RPS6KA4: variants seen among roughly 807,000 people sequenced by gnomAD.
RPS6KA4 encodes the protein ribosomal protein S6 kinase alpha-4.
A neutral mutation model predicts 89.6 loss-of-function variants in RPS6KA4; 38 were observed. The ratio of observed to expected loss-of-function variants is 0.42; its 90% CI spans 0.33 to 0.56. RPS6KA4 has a LOEUF of 0.56. RPS6KA4 is among the 20% of genes least tolerant of loss of function. The pLI is 0.07. For missense variants in RPS6KA4, 873 were observed against 1,098.8 expected, an observed-to-expected ratio of 0.79 and a Z score of 2.90; for synonymous variants, 495 against 492.8, an observed-to-expected ratio of 1.00 and a Z score of -0.06.
At position 64,371,709 on chromosome 11, in the gene RPS6KA4, G is replaced by T; in HGVS notation, c.*229G>T. On this transcript the variant is annotated 3_prime_UTR_variant, in exon 17 of 17. Coordinates refer to ENST00000334205, the MANE Select transcript of RPS6KA4 (RefSeq NM_003942.3). ...GGGGCCTGCTGGGGAGTGGGGTTTGGGGGGCCCTCTCCCAGGACACTGCCT... is the reference window on the plus strand; with the variant it reads ...GGGGCCTGCTGGGGAGTGGGGTTTGTGGGGCCCTCTCCCAGGACACTGCCT... 1 of 464,636 alleles carries T rather than the reference G, an allele frequency of 2.2e-6. No homozygotes were observed. Among genetic ancestry groups the T allele is most frequent in the Non-Finnish European group, 3.8e-6 (1 of 261,696 alleles). 28.8% of individuals were successfully genotyped at this position (464,636 alleles called of 1,614,324 possible).
chr11:64,368,850 C>G, intron 12 of RPS6KA4, 53 bp downstream of exon 12: 9 of 888,310 alleles, frequency 1.0e-5, no homozygotes, highest in Non-Finnish European at 1.5e-5. Context: ...GGCGGCGGGG[C>G]TTGGGGGCAC....
In RPS6KA4 at chr11:64,370,361, A is replaced by C. The variant is rs758931204; in HGVS notation, c.1934A>C (p.Glu645Ala). ...LDGEAWQGVS[E>A]EAKELVRGLL... ...GGGGAGGCCTGGCAGGGTGTATCCGAGGAAGCCAAGGAGCTGGTCCGAGGT... is the reference window on the plus strand; with the variant it reads ...GGGGAGGCCTGGCAGGGTGTATCCGCGGAAGCCAAGGAGCTGGTCCGAGGT... The change falls in exon 15 of 17, where the codon GAG becomes GCG. Residue 645 changes from glutamate to alanine, a missense_variant. Transcript: ENST00000334205. The surrounding 1 kb of genome is among the most constrained non-coding windows in gnomAD (Gnocchi z 4.1). The C allele has an allele frequency of 1.2e-6, 2 of 1,608,430 alleles. No homozygotes were observed. The highest frequency in any genetic ancestry group is 2.2e-5 in the South Asian group (2 of 90,658).
chr11:64,366,471 C>G (rs1164189905), intron 9 of RPS6KA4, among the ~76,000 whole-genome samples: 4 of 152,172 alleles, frequency 2.6e-5, no homozygotes, highest in Non-Finnish European at 5.9e-5. Context: ...GCCAAGCCCC[C>G]TCTACTGAAT....
Position 64,365,476 on chromosome 11 carries a change from A to T in RPS6KA4, c.1071+11A>T, listed in dbSNP as rs757036915. On this transcript the variant is annotated intron_variant, in intron 9 of 16. Transcript: ENST00000334205. Reference sequence around the variant, plus strand: ...CCCCGAATCTTTCAGGTGAGGGGAAACTCATGGAACCCAGATGCAGGAGAG... The same window carrying T: ...CCCCGAATCTTTCAGGTGAGGGGAATCTCATGGAACCCAGATGCAGGAGAG... 2 of 1,613,376 alleles carry T rather than the reference A, an allele frequency of 1.2e-6. No homozygotes were observed.
At chr11:64,368,337 C>T in intron 10 of RPS6KA4, 77 bp downstream of exon 10, 1 of 1,564,326 alleles carries the variant, frequency 6.4e-7, no homozygotes, top group Non-Finnish European at 8.6e-7. Context: ...GGCCTAGATC[C>T]AACTGGCGCC....
In RPS6KA4 at chr11:64,370,304, G is replaced by A. The variant is rs1475895833; in HGVS notation, c.1877G>A (p.Cys626Tyr). The A allele has an allele frequency of 6.3e-7, 1 of 1,592,146 alleles. No homozygotes were observed. The highest frequency in any genetic ancestry group is 8.5e-7 in the Non-Finnish European group (1 of 1,174,212). ...CAGAGCCAGGCGGCCGAGATCATGT[G>A]CAAAATCCGCGAGGGGCGCTTCTCC... is the stretch of plus-strand genomic sequence containing the variant. ...GGQSQAAEIMCKIREGRFSLD... is the reference protein window; with the variant it reads ...GGQSQAAEIMYKIREGRFSLD... Residue 626 changes from cysteine to tyrosine, a missense_variant, in exon 15 of 17, where the codon TGC becomes TAC. By Grantham distance (194) the Cys-to-Tyr change is radical. Coordinates refer to ENST00000334205, the MANE Select transcript of RPS6KA4 (RefSeq NM_003942.3). This position sits in a 1 kb window ranked among gnomAD's most constrained non-coding sequence, Gnocchi z 4.1.
Position 64,361,082 on chromosome 11 carries a change from G to T in RPS6KA4, c.463-52G>T, listed in dbSNP as rs2036733011. The T allele has an allele frequency of 2.0e-6, 3 of 1,510,318 alleles. No individual in the cohort carries two copies. The highest frequency in any genetic ancestry group is 1.8e-6 in the Non-Finnish European group (2 of 1,094,162). The allele number at this position is 1,510,318 out of a possible 1,614,324, so 93.6% of individuals were successfully genotyped here. On this transcript the variant is annotated intron_variant, in intron 4 of 16. Transcript: ENST00000334205. This position sits in a 1 kb window ranked among gnomAD's most constrained non-coding sequence, Gnocchi z 4.7. ...CTGAGCAGGGCCAGGAGCTGGAGGA[G>T]CTGGGGAGGGTTTCGGGGAGGAAGC... is the stretch of plus-strand genomic sequence containing the variant.
At chr11:64,365,516 T>C (rs1370602426) in intron 9 of RPS6KA4, 51 bp downstream of exon 9, 4 of 1,602,580 alleles carry the variant, frequency 2.5e-6, no homozygotes, top group Non-Finnish European at 2.6e-6. Context: ...GATGTTGCTG[T>C]CTGCCTCAGC....
In RPS6KA4 at chr11:64,359,207, G is replaced by A. The variant is rs2036666476; in HGVS notation, c.-29G>A. ...GTAACCGGCGCCGCCCGGAGCCCGA[G>A]CCGCGCGGGCCCCAGCGACCCGCCC... On this transcript the variant is annotated 5_prime_UTR_variant, in exon 1 of 17. Transcript: ENST00000334205. 1 of 1,289,236 alleles carries A rather than the reference G, an allele frequency of 7.8e-7. No individual in the cohort carries two copies. The highest frequency in any genetic ancestry group is 3.1e-5 in the East Asian group (1 of 31,840). The allele number at this position is 1,289,236 out of a possible 1,614,324, so 79.9% of individuals were successfully genotyped here. A position where few individuals can be genotyped will look rare whatever the true frequency, so the allele number is the denominator to read the frequency against.
rs916417758 is a variant in RPS6KA4, at chr11:64,359,259, G to A, written c.24G>A (p.Glu8=). 5.2e-6 allele frequency: 8 copies of A among 1,527,946 alleles called. No homozygotes were observed. The highest frequency in any genetic ancestry group is 2.0e-5 in the Admixed American group (1 of 50,016). 94.6% of individuals were successfully genotyped at this position (1,527,946 alleles called of 1,614,324 possible). A position where few individuals can be genotyped will look rare whatever the true frequency, so the allele number is the denominator to read the frequency against. The change falls in exon 1 of 17, where the codon GAG becomes GAA. Residue 8 remains glutamate (E), a synonymous_variant. Coordinates refer to ENST00000334205, the MANE Select transcript of RPS6KA4 (RefSeq NM_003942.3). ...CCATGGGGGACGAGGACGACGATGA[G>A]AGCTGCGCCGTGGAGCTGCGGATCA... MGDEDDD[E]SCAVELRITE...
rs1270157126 is a variant in RPS6KA4 at position 64,368,345 on chromosome 11, G to T, written c.1200+85G>T. 5.1e-6 allele frequency: 8 copies of T among 1,554,564 alleles called. No homozygotes were observed. The East Asian group carries it at 1.7e-4, about 32-fold the overall frequency. ...GACTCTAGGCCTAGATCCAACTGGC[G>T]CCCGCAGCGTGAGCTCAGCAAGGTC... On this transcript the variant is annotated intron_variant, in intron 10 of 16. Coordinates refer to ENST00000334205, the MANE Select transcript of RPS6KA4 (RefSeq NM_003942.3).
At position 64,360,529 on chromosome 11, in the gene RPS6KA4, C is replaced by A; in HGVS notation, c.399C>A (p.Phe133Leu). The change falls in exon 4 of 17, where the codon TTC becomes TTA. Residue 133 changes from phenylalanine (F) to leucine (L), a missense_variant. Transcript: ENST00000334205. ...MFTHLYQRQY[F>L]KEAEVRVYGG... The stretch of plus-strand genomic sequence containing the variant: ...CCCACCTCTACCAGCGCCAGTACTT[C>A]AAGGAGGCTGAGGTGCGCGTGTATG... 1 of 1,612,632 alleles carries A rather than the reference C, an allele frequency of 6.2e-7. No homozygotes were observed. The highest frequency in any genetic ancestry group is 8.5e-7 in the Non-Finnish European group (1 of 1,179,380).
Position 64,370,672 on chromosome 11 carries a change from C to T in RPS6KA4, c.2067C>T (p.Asp689=), listed in dbSNP as rs1353671388. Residue 689 remains aspartate, a synonymous_variant, in exon 16 of 17, where the codon GAC becomes GAT. Transcript: ENST00000334205. This position sits in a 1 kb window ranked among gnomAD's most constrained non-coding sequence, Gnocchi z 4.1. ...CCTCGCCCCCGCTCCGGACGCCCGA[C>T]GTGCTCGAGTCCTCTGGGCCCGCAG... is the stretch of plus-strand genomic sequence containing the variant. ...ARSSPPLRTP[D]VLESSGPAVR... 1.3e-6 allele frequency: 2 copies of T among 1,571,966 alleles called. No individual in the cohort carries two copies. Among genetic ancestry groups the T allele is most frequent in the South Asian group, 2.3e-5 (2 of 87,722 alleles).
intron 12 of RPS6KA4, 78 bp downstream of exon 12, chr11:64,368,875 A>G: frequency 7.6e-7 from 1 of 1,324,282 alleles, no homozygotes; most frequent in Non-Finnish European, 1.0e-6. Context: ...GGCGGGATCT[A>G]GGGGTGAATT....
intron 2 of RPS6KA4, 125 bp from the exon 3 acceptor site, chr11:64,360,038 T>C (rs1171991038): frequency 3.4e-6 from 3 of 885,688 alleles, no homozygotes; most frequent in Non-Finnish European, 5.1e-6. Flanking sequence ...TTTGCACACC[T>C]GCCTGTTGCC....
Position 64,368,900 on chromosome 11 carries a change from G to A in RPS6KA4, c.1428+103G>A, listed in dbSNP as rs191924445. 1.4e-3 allele frequency: 1,543 copies of A among 1,106,144 alleles called. 17 individuals are homozygous for A. In the African/African-American group the frequency reaches 0.022, roughly 16 times the overall value. The allele number at this position is 1,106,144 out of a possible 1,614,324, so 68.5% of individuals were successfully genotyped here. A position where few individuals can be genotyped will look rare whatever the true frequency, so the allele number is the denominator to read the frequency against. Reference sequence around the variant, plus strand: ...AGGGGTGAATTGGGCGGGGCCTAGCGTTTGATTCGGGGCCCAAAGGGACCA... The same window carrying A: ...AGGGGTGAATTGGGCGGGGCCTAGCATTTGATTCGGGGCCCAAAGGGACCA... On this transcript the variant is annotated intron_variant, in intron 12 of 16. Transcript: ENST00000334205.
chr11:64,365,536 C>T (rs2036858910), intron 9 of RPS6KA4, 71 bp downstream of exon 9: 1 of 1,549,306 alleles, frequency 6.5e-7, no homozygotes, highest in South Asian at 1.1e-5. Context: ...CCCTGGCTGG[C>T]CCGAGGACAC....
Position 64,369,746 on chromosome 11 carries a change from C to T in RPS6KA4, c.1650C>T (p.Ile550=), listed in dbSNP as rs745924723. The part of the protein sequence containing the change: ...DDTPGAPVKI[I]DFGFARLRPQ... Reference sequence around the variant, plus strand: ...CGCCCGGGGCCCCGGTGAAAATCATCGACTTCGGGTTCGCGCGGTTGCGGC... The same window carrying T: ...CGCCCGGGGCCCCGGTGAAAATCATTGACTTCGGGTTCGCGCGGTTGCGGC... Residue 550 remains isoleucine, a synonymous_variant, in exon 14 of 17, where the codon ATC becomes ATT. Transcript: ENST00000334205. 20 of 1,611,338 alleles carry T rather than the reference C, an allele frequency of 1.2e-5. No individual in the cohort carries two copies. Among genetic ancestry groups the T allele is most frequent in the Middle Eastern group, 1.6e-4 (1 of 6,072 alleles).
At chr11:64,364,218 G>C (rs2036824786) in intron 8 of RPS6KA4, among the ~76,000 whole-genome samples, 1 of 150,530 alleles carries the variant, frequency 6.6e-6, no homozygotes, top group African/African-American at 2.5e-5. Context: ...GTCCAACATG[G>C]TTGCTGGAGC....
Sources: allele counts gnomAD v4.1 joint callset (sites outside exome capture counted in the v4.1 genomes callset), GRCh38; gene constraint gnomAD v4.1.1; non-coding constraint Gnocchi (gnomAD v3.1); transcripts MANE v1.5; gene names NCBI Gene and HGNC (gene_info 2026-07-23, HGNC 2026-07-21).